Variants in GREM1 observed in about 807,000 individuals in gnomAD.
GREM1 encodes the protein gremlin 1, DAN family BMP antagonist.
GREM1 carries 6 observed loss-of-function variants against 13.1 expected under a neutral mutation model. That is an observed-to-expected ratio of 0.46 (90% confidence interval 0.25 to 0.91). The LOEUF (loss-of-function observed/expected upper bound fraction) is 0.91. Among genes scored for constraint, GREM1 ranks in the 40% least tolerant of loss-of-function variants. The pLI is 0.18. For missense variants in GREM1, 185 were observed against 233.9 expected (o/e 0.79, Z 1.36); for synonymous variants, 98 against 93.7 (o/e 1.05, Z -0.27).
intron 1 of GREM1, among the ~76,000 whole-genome samples, chr15:32,724,389 A>G (rs888690473): frequency 1.3e-5 from 2 of 152,244 alleles, no homozygotes; most frequent in African/African-American, 4.8e-5. Context: ...GTATGGAGGA[A>G]GACTGGGGCA....
chr15:32,722,780 C>T (rs919055548), intron 1 of GREM1, among the ~76,000 whole-genome samples: 11 of 151,648 alleles, frequency 7.3e-5, no homozygotes, highest in African/African-American at 2.4e-4. Context: ...AGGATAGAGG[C>T]AAAGAGAAAA....
Position 32,738,148 on chromosome 15 carries a change from C to A in GREM1, c.*6903C>A, listed in dbSNP as rs1202108227. ...AAAAAAAAAAAGAAAAGAAAAAAGT[C>A]ATCCAGATTGGAAAAGAAATAAAAT... is the stretch of plus-strand genomic sequence containing the variant. On this transcript the variant is annotated 3_prime_UTR_variant, in exon 2 of 2. Coordinates refer to ENST00000651154, the MANE Select transcript of GREM1 (RefSeq NM_013372.7). 4.9e-4 allele frequency: 18 copies of A among 36,364 alleles called. No individual in the cohort carries two copies. Among genetic ancestry groups the A allele is most frequent in the East Asian group, 1.0e-3 (1 of 970 alleles). 2.3% of individuals were successfully genotyped at this position (36,364 alleles called of 1,614,324 possible). A position where few individuals can be genotyped will look rare whatever the true frequency, so the allele number is the denominator to read the frequency against.
chr15:32,721,421 T>C (rs1473864310), intron 1 of GREM1, among the ~76,000 whole-genome samples: 1 of 152,172 alleles, frequency 6.6e-6, no homozygotes, highest in Non-Finnish European at 1.5e-5. Context: ...AGCAATGTTA[T>C]ACAGAACCAG....
intron 1 of GREM1, among the ~76,000 whole-genome samples, chr15:32,719,916 C>G (rs1342554601): frequency 1.3e-5 from 2 of 152,024 alleles, no homozygotes; most frequent in African/African-American, 4.8e-5. Flanking sequence ...CTTTTCAAAG[C>G]AAGGAGGGAA....
chr15:32,720,449 G>A (rs2055386240), intron 1 of GREM1, among the ~76,000 whole-genome samples: 1 of 152,166 alleles, frequency 6.6e-6, no homozygotes, highest in Admixed American at 6.5e-5. Flanking sequence ...CAGCAAAGCT[G>A]TGGAACATGT....
intron 1 of GREM1, among the ~76,000 whole-genome samples, chr15:32,725,072 A>G (rs148261485): frequency 2.9e-4 from 44 of 152,280 alleles, no homozygotes; most frequent in Non-Finnish European, 5.9e-4. Flanking sequence ...AGTCTTTGCT[A>G]TTATGACTAG....
intron 1 of GREM1, among the ~76,000 whole-genome samples, chr15:32,729,407 C>G (rs1407767297): frequency 2.0e-5 from 3 of 152,222 alleles, no homozygotes; most frequent in African/African-American, 4.8e-5. Flanking sequence ...CTCTCTTGCA[C>G]TCTCCTTTTT....
chr15:32,720,567 G>A (rs908192521), intron 1 of GREM1, among the ~76,000 whole-genome samples: 1 of 152,116 alleles, frequency 6.6e-6, no homozygotes, highest in African/African-American at 2.4e-5. Context: ...CTAACCAAAA[G>A]GCAACCATCA....
At position 32,718,116 on chromosome 15, in the gene GREM1, G is replaced by T. The variant is rs780286606; in HGVS notation, c.-47G>T. The T allele has an allele frequency of 7.9e-7, 1 of 1,272,766 alleles. No homozygotes were observed. The highest frequency in any genetic ancestry group is 3.7e-5 in the East Asian group (1 of 27,372). 78.8% of individuals were successfully genotyped at this position (1,272,766 alleles called of 1,614,324 possible). A position where few individuals can be genotyped will look rare whatever the true frequency, so the allele number is the denominator to read the frequency against. On this transcript the variant is annotated 5_prime_UTR_variant, in exon 1 of 2. Transcript: ENST00000651154. ...GGCTCTGGCCGCGGCCGCACTCAGC[G>T]CCACGCGTCGAAAGCGCAGGCCCCG...
Position 32,734,516 on chromosome 15 carries a change from G to A in GREM1, c.*3271G>A. Reference sequence around the variant, plus strand: ...TATATAGACTATGAGGTACCTTGCTGTGTAGGAGGATGAAAGGGGAGTTGA... The same window carrying A: ...TATATAGACTATGAGGTACCTTGCTATGTAGGAGGATGAAAGGGGAGTTGA... On this transcript the variant is annotated 3_prime_UTR_variant, in exon 2 of 2. Transcript: ENST00000651154. The A allele has an allele frequency of 4.0e-6, 1 of 247,064 alleles. No individual in the cohort carries two copies. Among genetic ancestry groups the A allele is most frequent in the Non-Finnish European group, 8.5e-6 (1 of 117,504 alleles). 15.3% of individuals were successfully genotyped at this position (247,064 alleles called of 1,614,324 possible). A position where few individuals can be genotyped will look rare whatever the true frequency, so the allele number is the denominator to read the frequency against.
chr15:32,735,501 A>C lies in GREM1; in HGVS notation c.*4256A>C, dbSNP rs548490123. The stretch of plus-strand genomic sequence containing the variant: ...TGTTCTTTTAAGAACATAACACAGC[A>C]CTCTAAAAATAGATCTAACTAGATT... On this transcript the variant is annotated 3_prime_UTR_variant, in exon 2 of 2. Coordinates refer to ENST00000651154, the MANE Select transcript of GREM1 (RefSeq NM_013372.7). The C allele has an allele frequency of 1.3e-5, 2 of 152,242 alleles. No homozygotes were observed. The highest frequency in any genetic ancestry group is 2.4e-5 in the African/African-American group (1 of 41,540). 9.4% of individuals were successfully genotyped at this position (152,242 alleles called of 1,614,324 possible).
chr15:32,720,097 G>C (rs1035511151), intron 1 of GREM1, among the ~76,000 whole-genome samples: 34 of 151,792 alleles, frequency 2.2e-4, no homozygotes, highest in Admixed American at 2.1e-3. Context: ...GTGTGTGTCT[G>C]TGTGTGTGTG....
In GREM1 at chr15:32,730,890, C is replaced by G; in HGVS notation, c.200C>G (p.Ala67Gly). The G allele has an allele frequency of 6.2e-7, 1 of 1,613,562 alleles. No individual in the cohort carries two copies. The highest frequency in any genetic ancestry group is 8.5e-7 in the Non-Finnish European group (1 of 1,179,774). ...GGGCGGGGCCAAGGGCGGGGCACTG[C>G]CATGCCCGGGGAGGAGGTGCTGGAG... ...NRGRGQGRGT[A>G]MPGEEVLESS... Residue 67 changes from alanine to glycine, a missense_variant, in exon 2 of 2, where the codon GCC becomes GGC. Physicochemically the swap from Ala to Gly is moderately conservative, Grantham distance 60. Transcript: ENST00000651154.
In GREM1 at chr15:32,731,284, G is replaced by A. The variant is rs769719167; in HGVS notation, c.*39G>A. 11 of 1,506,656 alleles carry A rather than the reference G, an allele frequency of 7.3e-6. 1 individual carries two copies. The South Asian group carries it at 1.3e-4, about 18-fold the overall frequency. 93.3% of individuals were successfully genotyped at this position (1,506,656 alleles called of 1,614,324 possible). A position where few individuals can be genotyped will look rare whatever the true frequency, so the allele number is the denominator to read the frequency against. On this transcript the variant is annotated 3_prime_UTR_variant, in exon 2 of 2. Transcript: ENST00000651154. ...GCACCCAGCATGTCCTAGGAATGCA[G>A]CCCCAGGAAGTCCCAGACCTAAAAC... is the stretch of plus-strand genomic sequence containing the variant.
At position 32,731,235 on chromosome 15, in the gene GREM1, A is replaced by G; in HGVS notation, c.545A>G (p.Asp182Gly). 1 of 1,613,026 alleles carries G rather than the reference A, an allele frequency of 6.2e-7. No individual in the cohort carries two copies. The highest frequency in any genetic ancestry group is 8.5e-7 in the Non-Finnish European group (1 of 1,179,314). ...RVKQCRCISI[D>G]LD The stretch of plus-strand genomic sequence containing the variant: ...AAGCAGTGTCGTTGCATATCCATCG[A>G]TTTGGATTAAGCCAAATCCAGGTGC... The change falls in exon 2 of 2, where the codon GAT becomes GGT. Residue 182 changes from aspartate (D) to glycine (G), a missense_variant. Transcript: ENST00000651154.
intron 1 of GREM1, among the ~76,000 whole-genome samples, chr15:32,724,766 C>G (rs2055469744): frequency 6.6e-6 from 1 of 152,016 alleles, no homozygotes; most frequent in Non-Finnish European, 1.5e-5. Flanking sequence ...TTAGGTATTT[C>G]TCCTAATGCT....
Position 32,731,806 on chromosome 15 carries a change from A to C in GREM1, c.*561A>C, listed in dbSNP as rs201983195. ...CCAAGGTTCCTAAATTAATTCACTT[A>C]ACCATGATGCAAATGTTTTTCATTT... On this transcript the variant is annotated 3_prime_UTR_variant, in exon 2 of 2. Transcript: ENST00000651154. The C allele has an allele frequency of 1.3e-4, 30 of 234,504 alleles. No individual in the cohort carries two copies. Among genetic ancestry groups the C allele is most frequent in the Non-Finnish European group, 2.5e-4 (28 of 109,830 alleles). 14.5% of individuals were successfully genotyped at this position (234,504 alleles called of 1,614,324 possible). A position where few individuals can be genotyped will look rare whatever the true frequency, so the allele number is the denominator to read the frequency against.
intron 1 of GREM1, among the ~76,000 whole-genome samples, chr15:32,720,370 A>G (rs1457488656): frequency 2.6e-5 from 4 of 152,252 alleles, no homozygotes; most frequent in Non-Finnish European, 5.9e-5. Flanking sequence ...TGAATGGTCA[A>G]GTATTAAAAG....
chr15:32,720,059 G>C (rs2055379009), intron 1 of GREM1, among the ~76,000 whole-genome samples: 1 of 152,040 alleles, frequency 6.6e-6, no homozygotes, highest in South Asian at 2.1e-4. Flanking sequence ...TTTTTAGCAG[G>C]GTAGTGGCAG....
Sources: allele counts gnomAD v4.1 joint callset (sites outside exome capture counted in the v4.1 genomes callset), GRCh38; gene constraint gnomAD v4.1.1; transcripts MANE v1.5; gene names NCBI Gene and HGNC (gene_info 2026-07-23, HGNC 2026-07-21).